The following GRM8 variants were observed in gnomAD, a reference collection of about 807,000 sequenced individuals.
GRM8 encodes metabotropic glutamate receptor 8.
Under a neutral mutation model 87.2 loss-of-function variants are expected in GRM8, and 47 were observed. The observed-to-expected ratio is 0.54, with a 90% CI of 0.43 to 0.69. The LOEUF (loss-of-function observed/expected upper bound fraction) is 0.69, where lower values mean the gene tolerates loss of function less well. Among genes scored for constraint, GRM8 ranks in the 30% least tolerant of loss-of-function variants. The pLI, the probability that GRM8 is intolerant of heterozygous loss-of-function variation, is 0.00. For synonymous variants in GRM8, 396 were observed against 404.5 expected, an observed-to-expected ratio of 0.98 and a Z score of 0.25; for missense variants, 1,019 against 1,139.2, an observed-to-expected ratio of 0.89 and a Z score of 1.52.
chr7:126,455,121 T>C (rs757429419), intron 9 of GRM8, among the ~76,000 whole-genome samples: 1 of 151,696 alleles, frequency 6.6e-6, no homozygotes, highest in Non-Finnish European at 1.5e-5. Context: ...AAGTACAGCA[T>C]TATGCCAAAA....
chr7:126,802,076 A>G (rs1822768906), intron 6 of GRM8, among the ~76,000 whole-genome samples: 1 of 152,174 alleles, frequency 6.6e-6, no homozygotes, highest in South Asian at 2.1e-4. Context: ...TAAAAACTAT[A>G]TATTTATGGT....
intron 3 of GRM8, among the ~76,000 whole-genome samples, chr7:126,908,886 G>A (rs1802983046): frequency 6.6e-6 from 1 of 152,176 alleles, no homozygotes; most frequent in South Asian, 2.1e-4. Context: ...GTGCTGTTTG[G>A]TGCCTGTGTA....
intron 7 of GRM8, among the ~76,000 whole-genome samples, chr7:126,703,458 A>G (rs1465414973): frequency 1.3e-5 from 2 of 152,220 alleles, no homozygotes; most frequent in Non-Finnish European, 2.9e-5. Flanking sequence ...CTGCAAAGGA[A>G]CAGTCAGTTT....
At chr7:126,678,808 G>A (rs1807252723) in intron 7 of GRM8, among the ~76,000 whole-genome samples, 1 of 152,158 alleles carries the variant, frequency 6.6e-6, no homozygotes, top group Non-Finnish European at 1.5e-5. Flanking sequence ...ACAGTGAGGA[G>A]TGGGAGGTTG....
chr7:127,093,925 G>T (rs889224246), intron 3 of GRM8, among the ~76,000 whole-genome samples: 4 of 152,160 alleles, frequency 2.6e-5, no homozygotes, highest in African/African-American at 9.7e-5. Context: ...GAAATAATTT[G>T]CACCTATTTC....
At chr7:126,690,820 C>A (rs975597768) in intron 7 of GRM8, among the ~76,000 whole-genome samples, 1 of 152,162 alleles carries the variant, frequency 6.6e-6, no homozygotes, top group African/African-American at 2.4e-5. Flanking sequence ...GCTCAGCTCT[C>A]AGCAAAGAGG....
intron 7 of GRM8, among the ~76,000 whole-genome samples, chr7:126,693,764 G>T (rs969460688): frequency 4.0e-5 from 6 of 151,782 alleles, no homozygotes; most frequent in Non-Finnish European, 5.9e-5. Context: ...TCTTTTGCTG[G>T]GCATATAAAA....
Position 126,798,907 on chromosome 7 carries a change from A to T in GRM8, c.1157-28842T>A, listed in dbSNP as rs530781322. Among the ~76,000 whole-genome samples, 14 of 152,146 alleles carry T rather than the reference A, an allele frequency of 9.2e-5. No individual in the cohort carries two copies. In the South Asian group the frequency reaches 1.4e-3, roughly 16 times the overall value. ...TGTGTTCAACGAATGTGGATCAGAAAGAACAACAGTGATAATAACTTGGAG... is the reference window on the plus strand; with the variant it reads ...TGTGTTCAACGAATGTGGATCAGAATGAACAACAGTGATAATAACTTGGAG... On this transcript the variant is annotated intron_variant, in intron 6 of 10. Transcript: ENST00000339582.
At chr7:126,501,958 C>T (rs914289234) in intron 9 of GRM8, among the ~76,000 whole-genome samples, 4 of 151,896 alleles carry the variant, frequency 2.6e-5, no homozygotes, top group African/African-American at 9.7e-5. Context: ...AGAATGTTTG[C>T]AGGGCTTGAT....
chr7:126,794,755 A>C (rs73228906), intron 6 of GRM8, among the ~76,000 whole-genome samples: 4,578 of 152,260 alleles, frequency 0.03, 142 homozygotes, highest in Admixed American at 0.088. Flanking sequence ...ATTAACCAGG[A>C]TGCTTGTTAA....
intron 3 of GRM8, among the ~76,000 whole-genome samples, chr7:127,060,901 G>T (rs1268274627): frequency 1.3e-5 from 2 of 152,152 alleles, no homozygotes; most frequent in Non-Finnish European, 2.9e-5. Context: ...TACTTAGCAA[G>T]TTCAGGGTTC....
intron 9 of GRM8, among the ~76,000 whole-genome samples, chr7:126,527,755 T>C (rs944395607): frequency 5.3e-5 from 8 of 152,216 alleles, no homozygotes; most frequent in African/African-American, 1.7e-4. Flanking sequence ...TTTTTTTTCT[T>C]CCAGTATTGT....
chr7:126,464,112 C>G (rs1025283028), intron 9 of GRM8, among the ~76,000 whole-genome samples: 3 of 151,456 alleles, frequency 2.0e-5, no homozygotes, highest in African/African-American at 7.3e-5. Context: ...AGTCATTTAT[C>G]TTTTTTCTTA....
rs146516486 is a variant in GRM8, at chr7:126,634,131, T to C, written c.1358-24633A>G. 5.5e-4 allele frequency among the ~76,000 whole-genome samples: 83 copies of C among 152,288 alleles called. No individual in the cohort carries two copies. The East Asian group carries it at 0.015, about 27-fold the overall frequency. On this transcript the variant is annotated intron_variant, in intron 7 of 10. Transcript: ENST00000339582. The stretch of plus-strand genomic sequence containing the variant: ...TTATTCATGATCATTAGAGGAAATA[T>C]CCTATTGCCATTTTAAAGTTCTTTT...
At chr7:126,472,985 G>A (rs1010018155) in intron 9 of GRM8, among the ~76,000 whole-genome samples, 1 of 152,222 alleles carries the variant, frequency 6.6e-6, no homozygotes, top group African/African-American at 2.4e-5. Context: ...GATTTCAGAG[G>A]ATGTTTGGAA....
intron 6 of GRM8, among the ~76,000 whole-genome samples, chr7:126,806,186 G>T (rs183223015): frequency 7.2e-5 from 11 of 152,218 alleles, no homozygotes; most frequent in Admixed American, 7.2e-4. Context: ...TATTCCTTCC[G>T]GTGGGTTCGT....
chr7:126,764,203 G>C (rs370733140), intron 7 of GRM8, among the ~76,000 whole-genome samples: 2 of 151,976 alleles, frequency 1.3e-5, no homozygotes, highest in East Asian at 3.9e-4. Context: ...GGTTAAAACT[G>C]ATAGAATATT....
intron 3 of GRM8, among the ~76,000 whole-genome samples, chr7:126,925,750 G>C (rs1222828939): frequency 6.6e-6 from 1 of 152,168 alleles, no homozygotes; most frequent in Non-Finnish European, 1.5e-5. Flanking sequence ...TTGGCACACA[G>C]TCATTCCTTG....
chr7:126,961,620 G>T (rs568521887), intron 3 of GRM8, among the ~76,000 whole-genome samples: 7 of 152,286 alleles, frequency 4.6e-5, no homozygotes, highest in Non-Finnish European at 7.4e-5. Flanking sequence ...CAGAGCAGGT[G>T]CTCTCAGACA....
Sources: allele counts gnomAD v4.1 joint callset (sites outside exome capture counted in the v4.1 genomes callset), GRCh38; gene constraint gnomAD v4.1.1; transcripts MANE v1.5; gene names NCBI Gene and HGNC (gene_info 2026-07-23, HGNC 2026-07-21).